The following CDK14 variants were observed in gnomAD, a reference collection of about 807,000 sequenced individuals.
CDK14 encodes the protein cyclin dependent kinase 14.
A neutral mutation model predicts 60.7 loss-of-function variants in CDK14; 34 were observed. The observed-to-expected ratio is 0.56, with a 90% CI of 0.43 to 0.75. The LOEUF (loss-of-function observed/expected upper bound fraction) is 0.75. Ranked by LOEUF, CDK14 falls within the 30% of genes least tolerant of loss-of-function variation. The pLI is 0.00. For missense variants in CDK14, 482 were observed against 564.1 expected, an observed-to-expected ratio of 0.85 and a Z score of 1.47; for synonymous variants, 197 against 203.7, an observed-to-expected ratio of 0.97 and a Z score of 0.28.
intron 10 of CDK14, among the ~76,000 whole-genome samples, chr7:90,992,934 T>C (rs1170649329): frequency 6.6e-6 from 1 of 152,214 alleles, no homozygotes; most frequent in Non-Finnish European, 1.5e-5. Context: ...GTAGGAATTA[T>C]GCTGGGGCTA....
At chr7:90,770,735 C>T (rs1046749277) in intron 4 of CDK14, among the ~76,000 whole-genome samples, 1 of 152,190 alleles carries the variant, frequency 6.6e-6, no homozygotes, top group Non-Finnish European at 1.5e-5. Context: ...TGATAGACCC[C>T]TTCACGCTTA....
intron 1 of CDK14, 68 bp downstream of exon 1, chr7:90,596,786 C>T: frequency 9.8e-6 from 13 of 1,323,424 alleles, no homozygotes; most frequent in African/African-American, 1.4e-5. Flanking sequence ...CGCCGCGTTC[C>T]TGGCACCAGC....
intron 14 of CDK14, among the ~76,000 whole-genome samples, chr7:91,149,324 T>A (rs43021): frequency 0.35 from 52,519 of 151,670 alleles, 11,001 homozygotes; most frequent in Non-Finnish European, 0.48. Flanking sequence ...TTACAGCCTA[T>A]TTCTTCATGC....
chr7:91,088,707 T>G (rs764365675), intron 12 of CDK14, among the ~76,000 whole-genome samples: 5 of 152,170 alleles, frequency 3.3e-5, no homozygotes, highest in Non-Finnish European at 7.3e-5. Flanking sequence ...TCTATGTGAA[T>G]TCTCTGCTAG....
At chr7:90,639,283 T>C (rs1800252198) in intron 2 of CDK14, among the ~76,000 whole-genome samples, 1 of 151,984 alleles carries the variant, frequency 6.6e-6, no homozygotes, top group African/African-American at 2.4e-5. Flanking sequence ...TCTTTGATGA[T>C]GGTGATGTAC....
chr7:90,811,583 A>G (rs999745910), intron 5 of CDK14, among the ~76,000 whole-genome samples: 6 of 151,802 alleles, frequency 4.0e-5, no homozygotes, highest in Non-Finnish European at 7.4e-5. Flanking sequence ...TAAAACACCA[A>G]AAGCAATGGC....
intron 9 of CDK14, among the ~76,000 whole-genome samples, chr7:90,962,490 A>AG (rs1474312028): frequency 6.6e-6 from 1 of 152,078 alleles, no homozygotes; most frequent in Non-Finnish European, 1.5e-5. Flanking sequence ...CGTCTCAAAA[A>AG]GAAAAAAAAA....
chr7:91,156,074 C>G (rs1210875867), intron 14 of CDK14, among the ~76,000 whole-genome samples: 1 of 152,146 alleles, frequency 6.6e-6, no homozygotes, highest in Non-Finnish European at 1.5e-5. Context: ...TAAGGCCTAG[C>G]TTGTTGGCAC....
intron 4 of CDK14, among the ~76,000 whole-genome samples, chr7:90,784,796 A>G (rs1805502141): frequency 6.6e-6 from 1 of 152,212 alleles, no homozygotes; most frequent in East Asian, 1.9e-4. Context: ...TTGAATTTAG[A>G]TGACAGTAAC....
intron 5 of CDK14, among the ~76,000 whole-genome samples, chr7:90,804,403 T>C (rs1355549307): frequency 6.6e-6 from 1 of 152,226 alleles, no homozygotes; most frequent in African/African-American, 2.4e-5. Flanking sequence ...TGGGTTAAAA[T>C]ATTTTTTAAA....
At chr7:90,729,104 G>T (rs1030373173) in intron 3 of CDK14, among the ~76,000 whole-genome samples, 1 of 151,256 alleles carries the variant, frequency 6.6e-6, no homozygotes, top group African/African-American at 2.4e-5. Flanking sequence ...CCAAGCCCCA[G>T]TTGAATTCTC....
At chr7:90,681,382 T>C (rs561294371) in intron 2 of CDK14, among the ~76,000 whole-genome samples, 22 of 152,298 alleles carry the variant, frequency 1.4e-4, no homozygotes, top group South Asian at 6.2e-4. Flanking sequence ...ATTACAGGCT[T>C]GGTGGAGGTG....
intron 14 of CDK14, among the ~76,000 whole-genome samples, chr7:91,145,500 C>T (rs1800598397): frequency 6.6e-6 from 1 of 152,176 alleles, no homozygotes; most frequent in Non-Finnish European, 1.5e-5. Context: ...TTGAGTGGGC[C>T]CTTCTCCCCT....
chr7:90,627,751 A>G (rs1190543348), intron 2 of CDK14, among the ~76,000 whole-genome samples: 1 of 152,172 alleles, frequency 6.6e-6, no homozygotes, highest in African/African-American at 2.4e-5. Flanking sequence ...AGTCACCTAA[A>G]CAGCAGGCTG....
intron 4 of CDK14, among the ~76,000 whole-genome samples, chr7:90,758,031 C>G (rs186840748): frequency 1.1e-4 from 16 of 152,302 alleles, no homozygotes; most frequent in Non-Finnish European, 1.8e-4. Flanking sequence ...AACACATACA[C>G]TGGAGAGAAG....
At chr7:90,654,017 A>G (rs1584771814) in intron 2 of CDK14, among the ~76,000 whole-genome samples, 1 of 152,198 alleles carries the variant, frequency 6.6e-6, no homozygotes, top group Admixed American at 6.5e-5. Context: ...TTATGGCTGC[A>G]TAGGATTCTA....
intron 12 of CDK14, among the ~76,000 whole-genome samples, chr7:91,105,994 C>T (rs543641559): frequency 6.6e-6 from 1 of 151,960 alleles, no homozygotes; most frequent in Non-Finnish European, 1.5e-5. Context: ...CAGGGACAAA[C>T]AGATGGAAAA....
rs751957129 is a variant in CDK14, at chr7:91,118,202, CA to C, written c.*23del. The C allele has an allele frequency of 7.0e-6, 10 of 1,436,278 alleles. No homozygotes were observed. The highest frequency in any genetic ancestry group is 9.8e-6 in the Non-Finnish European group (10 of 1,019,636). 89.0% of individuals were successfully genotyped at this position (1,436,278 alleles called of 1,614,324 possible). On this transcript the variant is annotated 3_prime_UTR_variant, in exon 14 of 15. Transcript: ENST00000380050. ...CTGACAAGCAGCACATTCTCAAGAGCACACAGGTAAGAGGACCTGCTTTACC... is the reference window on the plus strand; with the variant it reads ...CTGACAAGCAGCACATTCTCAAGAGCCACAGGTAAGAGGACCTGCTTTACC...
chr7:90,936,093 C>T (rs17399005), intron 8 of CDK14, among the ~76,000 whole-genome samples: 24,890 of 151,776 alleles, frequency 0.16, 2,150 homozygotes, highest in African/African-American at 0.18. Context: ...TTGCTATCTT[C>T]TTTCTCTAAT....
Sources: allele counts gnomAD v4.1 joint callset (sites outside exome capture counted in the v4.1 genomes callset), GRCh38; gene constraint gnomAD v4.1.1; transcripts MANE v1.5; gene names NCBI Gene and HGNC (gene_info 2026-07-23, HGNC 2026-07-21).